Variants in SH3RF2 observed in about 807,000 individuals in gnomAD.
SH3RF2 encodes E3 ubiquitin-protein ligase SH3RF2.
In SH3RF2, 43 loss-of-function variants were observed where a neutral mutation model predicts 59.0. The observed-to-expected ratio is 0.73, with a 90% CI of 0.57 to 0.94. The LOEUF (loss-of-function observed/expected upper bound fraction) is 0.94. Among genes scored for constraint, SH3RF2 ranks in the 40% least tolerant of loss-of-function variants. The pLI, the probability that SH3RF2 is intolerant of heterozygous loss-of-function variation, is 0.00. For missense variants in SH3RF2, 930 were observed against 940.1 expected (o/e 0.99, Z 0.14); for synonymous variants, 391 against 391.5 (o/e 1.00, Z 0.01).
intron 2 of SH3RF2, among the ~76,000 whole-genome samples, chr5:145,966,951 G>A (rs1418665506): frequency 3.3e-5 from 5 of 152,176 alleles, no homozygotes; most frequent in East Asian, 1.9e-4. Flanking sequence ...GAGCCCAGGA[G>A]TAGAGGCTGC....
chr5:146,066,964 C>A (rs1763121904), downstream of SH3RF2, among the ~76,000 whole-genome samples: 1 of 152,102 alleles, frequency 6.6e-6, no homozygotes, highest in Non-Finnish European at 1.5e-5. Flanking sequence ...AAATGGGAGA[C>A]ATCTGAGTGG....
intron 2 of SH3RF2, among the ~76,000 whole-genome samples, chr5:145,957,498 T>C (rs1286836577): frequency 1.3e-5 from 2 of 152,154 alleles, no homozygotes; most frequent in Non-Finnish European, 2.9e-5. Flanking sequence ...CTAACCTTAT[T>C]GAAAACCCAG....
At chr5:145,940,695 A>G (rs900831955) in intron 2 of SH3RF2, among the ~76,000 whole-genome samples, 9 of 152,248 alleles carry the variant, frequency 5.9e-5, no homozygotes, top group African/African-American at 2.2e-4. Flanking sequence ...GCAAAGCATC[A>G]TCATTAAGAT....
chr5:146,016,394 G>A (rs1264012357), intron 5 of SH3RF2, among the ~76,000 whole-genome samples: 1 of 151,600 alleles, frequency 6.6e-6, no homozygotes, highest in Non-Finnish European at 1.5e-5. Flanking sequence ...ATGGATGGAT[G>A]GATGGATGGA....
At chr5:145,963,096 A>T (rs1758696896) in intron 2 of SH3RF2, among the ~76,000 whole-genome samples, 1 of 151,292 alleles carries the variant, frequency 6.6e-6, no homozygotes, top group African/African-American at 2.4e-5. Context: ...ATGGAGTTTC[A>T]CCATGTTCGC....
At chr5:145,998,656 C>T (rs1007566839) in intron 2 of SH3RF2, among the ~76,000 whole-genome samples, 1 of 152,156 alleles carries the variant, frequency 6.6e-6, no homozygotes, top group African/African-American at 2.4e-5. Flanking sequence ...GTGGCTCACG[C>T]CTGTAATGCC....
intron 2 of SH3RF2, among the ~76,000 whole-genome samples, chr5:145,995,242 T>C (rs1024518014): frequency 5.9e-5 from 9 of 152,146 alleles, no homozygotes; most frequent in Admixed American, 4.6e-4. Flanking sequence ...GGACGGATGC[T>C]TCCTAAAGGT....
chr5:145,988,784 T>G (rs1759815792), intron 2 of SH3RF2, among the ~76,000 whole-genome samples: 1 of 152,140 alleles, frequency 6.6e-6, no homozygotes. Context: ...TCATCTGGGA[T>G]TTGCCAAGGC....
intron 5 of SH3RF2, among the ~76,000 whole-genome samples, chr5:146,019,827 A>C (rs1019087894): frequency 2.6e-5 from 4 of 152,086 alleles, no homozygotes; most frequent in African/African-American, 9.7e-5. Context: ...TCCTTGGTTA[A>C]GTATATTTTT....
rs1455661107 is a variant in SH3RF2 at position 146,013,944 on chromosome 5, T to C, written c.942T>C (p.Ser314=). The C allele has an allele frequency of 5.6e-6, 9 of 1,613,940 alleles. No individual in the cohort carries two copies. Among genetic ancestry groups the C allele is most frequent in the Non-Finnish European group, 7.6e-6 (9 of 1,180,010 alleles). ...ACACTCTCAACCGGATGGTCCATTC[T>C]CCTTCAGGGCGCCATATGGTAGAGA... ...ALNTLNRMVH[S]PSGRHMVEIS... Residue 314 remains serine, a synonymous_variant, in exon 5 of 10, where the codon TCT becomes TCC. Coordinates refer to ENST00000359120, the MANE Select transcript of SH3RF2 (RefSeq NM_152550.4).
Position 145,952,313 on chromosome 5 carries a change from C to A in SH3RF2, c.378+14007C>A, listed in dbSNP as rs1485807645. Among the ~76,000 whole-genome samples the A allele has an allele frequency of 2.0e-5, 3 of 152,088 alleles. No individual in the cohort carries two copies. The East Asian group carries it at 5.8e-4, about 29-fold the overall frequency. On this transcript the variant is annotated intron_variant, in intron 2 of 9. Coordinates refer to ENST00000359120, the MANE Select transcript of SH3RF2 (RefSeq NM_152550.4). ...ATTGCCACAATCCTAGAGAATCTTT[C>A]TTGGGATTCCTTCTCATAAAGAGCC...
intron 5 of SH3RF2, among the ~76,000 whole-genome samples, chr5:146,028,468 A>G (rs150728487): frequency 6.6e-6 from 1 of 152,342 alleles, no homozygotes; most frequent in Non-Finnish European, 1.5e-5. Flanking sequence ...AGATACTCGC[A>G]TACAGAAGGC....
chr5:145,949,068 A>G (rs1225491775), intron 2 of SH3RF2, among the ~76,000 whole-genome samples: 2 of 152,220 alleles, frequency 1.3e-5, no homozygotes, highest in Admixed American at 6.5e-5. Flanking sequence ...GAAAGGAGAC[A>G]TATCAGCCAT....
intron 7 of SH3RF2, among the ~76,000 whole-genome samples, chr5:146,054,327 C>T (rs1012954947): frequency 2.0e-5 from 3 of 152,274 alleles, no homozygotes; most frequent in Admixed American, 2.0e-4. Flanking sequence ...TGGAATAAGG[C>T]TGGTGTGGGC....
At chr5:146,011,382 T>A (rs987491645) in intron 4 of SH3RF2, among the ~76,000 whole-genome samples, 1 of 152,218 alleles carries the variant, frequency 6.6e-6, no homozygotes. Flanking sequence ...TGGTTCCATA[T>A]GAACTTTACA....
chr5:145,978,331 C>G (rs1243625484), intron 2 of SH3RF2, among the ~76,000 whole-genome samples: 1 of 152,166 alleles, frequency 6.6e-6, no homozygotes, highest in East Asian at 1.9e-4. Flanking sequence ...CCAGCACATT[C>G]ATAGAACCTG....
chr5:146,029,714 A>C (rs1396535742), intron 5 of SH3RF2, among the ~76,000 whole-genome samples: 1 of 152,226 alleles, frequency 6.6e-6, no homozygotes. Context: ...TAGAAAAACA[A>C]GATATGGGCC....
chr5:146,025,266 G>A (rs553419840), intron 5 of SH3RF2, among the ~76,000 whole-genome samples: 4 of 152,226 alleles, frequency 2.6e-5, no homozygotes, highest in East Asian at 1.9e-4. Flanking sequence ...CCACCTTCCC[G>A]CATGGCATGT....
rs1342406939 is a variant in SH3RF2 at position 145,995,411 on chromosome 5, C to G, written c.379-4647C>G. ...TTATTGTTCCCTGATGTACCCAACC[C>G]CGGGGGTCTAACAGATTTGGGTCAT... On this transcript the variant is annotated intron_variant, in intron 2 of 9. Coordinates refer to ENST00000359120, the MANE Select transcript of SH3RF2 (RefSeq NM_152550.4). 2.6e-5 allele frequency among the ~76,000 whole-genome samples: 4 copies of G among 152,134 alleles called. No individual in the cohort carries two copies. The East Asian group carries it at 7.7e-4, about 29-fold the overall frequency.
Sources: gnomAD v4.1 joint callset for allele counts (sites outside exome capture counted in the v4.1 genomes callset) on GRCh38, gnomAD v4.1.1 for gene constraint, MANE v1.5 for transcripts, NCBI Gene and HGNC (gene_info 2026-07-23, HGNC 2026-07-21) for gene names.